The following DPY19L1 variants were observed in gnomAD, a reference collection of about 807,000 sequenced individuals.
DPY19L1 encodes the protein protein C-mannosyl-transferase DPY19L1.
A neutral mutation model predicts 96.9 loss-of-function variants in DPY19L1; 35 were observed. The ratio of observed to expected loss-of-function variants is 0.36; its 90% CI spans 0.28 to 0.48. The LOEUF is 0.48. Ranked by LOEUF, DPY19L1 falls within the 20% of genes least tolerant of loss-of-function variation. The pLI, the probability that DPY19L1 is intolerant of heterozygous loss-of-function variation, is 0.99. For missense variants in DPY19L1, 521 were observed against 777.9 expected (o/e 0.67, Z 3.93); for synonymous variants, 205 against 252.6 (o/e 0.81, Z 1.79).
chr7:34,974,272 T>C lies in DPY19L1; in HGVS notation c.823-667A>G, dbSNP rs184478666. Among the ~76,000 whole-genome samples the C allele has an allele frequency of 4.1e-4, 63 of 152,288 alleles. 1 individual carries two copies. Among genetic ancestry groups the C allele is most frequent in the African/African-American group, 1.3e-3 (54 of 41,570 alleles). ...TATATAGACTAAACATATTAGTAAG[T>C]TCATCCTTCCATCGACAGAAAACCG... On this transcript the variant is annotated intron_variant, in intron 7 of 21. Coordinates refer to ENST00000638088, the MANE Select transcript of DPY19L1 (RefSeq NM_001366673.1).
chr7:34,963,849 C>T (rs1784557028), intron 10 of DPY19L1, among the ~76,000 whole-genome samples: 1 of 152,282 alleles, frequency 6.6e-6, no homozygotes, highest in East Asian at 1.9e-4. Context: ...AAGACAAATA[C>T]TGTATGATTT....
chr7:34,945,568 T>C (rs1371867324), intron 16 of DPY19L1, 99 bp downstream of exon 16: 3 of 847,026 alleles, frequency 3.5e-6, no homozygotes, highest in Admixed American at 2.6e-5. Context: ...AATTATCAAA[T>C]ATTAGGTACA....
intron 1 of DPY19L1, among the ~76,000 whole-genome samples, chr7:35,036,627 T>C (rs1786407551): frequency 6.6e-6 from 1 of 152,048 alleles, no homozygotes; most frequent in African/African-American, 2.4e-5. Flanking sequence ...AAAAGTACGC[T>C]AAAATTTAAT....
intron 16 of DPY19L1, among the ~76,000 whole-genome samples, chr7:34,943,276 A>G (rs959795104): frequency 1.1e-4 from 17 of 152,214 alleles, no homozygotes; most frequent in African/African-American, 4.1e-4. Flanking sequence ...AGGAGATGAA[A>G]CAGTTCTTTA....
intron 9 of DPY19L1, among the ~76,000 whole-genome samples, chr7:34,967,806 A>T (rs975074030): frequency 2.6e-5 from 4 of 152,218 alleles, no homozygotes; most frequent in Non-Finnish European, 4.4e-5. Context: ...TTAATCTCTA[A>T]ATCAATCTAC....
chr7:34,944,481 C>A (rs1784098975), intron 16 of DPY19L1, among the ~76,000 whole-genome samples: 1 of 151,964 alleles, frequency 6.6e-6, no homozygotes. Flanking sequence ...TTAAAACTAC[C>A]TTCACTCCAT....
intron 1 of DPY19L1, among the ~76,000 whole-genome samples, chr7:35,034,179 G>C (rs1209544295): frequency 1.3e-5 from 2 of 152,142 alleles, no homozygotes; most frequent in Non-Finnish European, 2.9e-5. Context: ...TTATTGTTGT[G>C]TATATAGTAT....
At chr7:34,934,748 T>G (rs904171261) in intron 21 of DPY19L1, among the ~76,000 whole-genome samples, 10 of 152,176 alleles carry the variant, frequency 6.6e-5, no homozygotes, top group African/African-American at 2.4e-4. Flanking sequence ...GGGTTCATAC[T>G]CCTATGAGAA....
At chr7:34,968,768 C>CAA (rs35977506) in intron 9 of DPY19L1, among the ~76,000 whole-genome samples, 406 of 8,896 alleles carry the variant, frequency 0.046, 137 homozygotes, top group East Asian at 0.07. Context: ...GACTCCATCG[C>CAA]AAAAAAAAAA....
At chr7:35,015,041 C>T (rs1284764461) in intron 3 of DPY19L1, among the ~76,000 whole-genome samples, 1 of 152,168 alleles carries the variant, frequency 6.6e-6, no homozygotes, top group Non-Finnish European at 1.5e-5. Context: ...ACCTTAATGT[C>T]CCACTGCTAA....
At chr7:34,931,962 A>G (rs911372463) in intron 21 of DPY19L1, among the ~76,000 whole-genome samples, 4 of 152,220 alleles carry the variant, frequency 2.6e-5, no homozygotes, top group Non-Finnish European at 4.4e-5. Context: ...CTGTAGATAC[A>G]TATATCCAGG....
intron 6 of DPY19L1, among the ~76,000 whole-genome samples, chr7:35,005,648 A>G (rs889777559): frequency 4.0e-5 from 6 of 150,560 alleles, no homozygotes; most frequent in African/African-American, 1.2e-4. Context: ...AAAAAAAAAA[A>G]AAAAAAAAAA....
At chr7:34,983,198 T>TA (rs1410569425) in intron 7 of DPY19L1, among the ~76,000 whole-genome samples, 1 of 152,116 alleles carries the variant, frequency 6.6e-6, no homozygotes, top group Non-Finnish European at 1.5e-5. Context: ...AATGATTATC[T>TA]AGTTCAACCT....
Position 34,947,647 on chromosome 7 carries a change from C to T in DPY19L1, c.1477G>A (p.Val493Ile), listed in dbSNP as rs371744774. 3.4e-5 allele frequency: 55 copies of T among 1,611,766 alleles called. No individual in the cohort carries two copies. The highest frequency in any genetic ancestry group is 4.5e-5 in the Non-Finnish European group (53 of 1,178,980). ...LLLPVVLVVFVAIVRKIISDM... is the reference protein window; with the variant it reads ...LLLPVVLVVFIAIVRKIISDM... ...AGACATACCTTTCTAACAATAGCAA[C>T]AAACACTACAAGAACAACTGGAAGC... is the stretch of plus-strand genomic sequence containing the variant. Residue 493 changes from valine to isoleucine, a missense_variant, in exon 15 of 22, where the codon GTT becomes ATT. Physicochemically the swap from Val to Ile is conservative, Grantham distance 29. Transcript: ENST00000638088.
chr7:34,980,499 A>T (rs368795918), intron 7 of DPY19L1, among the ~76,000 whole-genome samples: 4 of 152,254 alleles, frequency 2.6e-5, no homozygotes. Context: ...CAAAAAACGA[A>T]AAAAGAGGAA....
At chr7:35,031,244 G>A (rs1786253035) in intron 1 of DPY19L1, among the ~76,000 whole-genome samples, 1 of 152,122 alleles carries the variant, frequency 6.6e-6, no homozygotes, top group South Asian at 2.1e-4. Context: ...CATCTGTACT[G>A]AACACATGCA....
At chr7:35,021,301 G>A (rs1236793653) in intron 1 of DPY19L1, among the ~76,000 whole-genome samples, 1 of 152,058 alleles carries the variant, frequency 6.6e-6, no homozygotes, top group East Asian at 1.9e-4. Context: ...ATTTATCAAG[G>A]TCATCATCCC....
intron 1 of DPY19L1, among the ~76,000 whole-genome samples, chr7:35,020,700 C>A (rs329244): frequency 0.26 from 40,059 of 151,866 alleles, 5,382 homozygotes; most frequent in Non-Finnish European, 0.29. Context: ...ATCTTCAGTT[C>A]TCCATTTTAT....
intron 7 of DPY19L1, among the ~76,000 whole-genome samples, chr7:34,979,613 T>C (rs1456640314): frequency 6.6e-6 from 1 of 152,144 alleles, no homozygotes; most frequent in Non-Finnish European, 1.5e-5. Context: ...ATTTTGTGTG[T>C]ATTACAGAAT....
Sources: gnomAD v4.1 joint callset for allele counts (sites outside exome capture counted in the v4.1 genomes callset) on GRCh38, gnomAD v4.1.1 for gene constraint, MANE v1.5 for transcripts, NCBI Gene and HGNC (gene_info 2026-07-23, HGNC 2026-07-21) for gene names.